ARHGAP6: variants seen among roughly 807,000 people sequenced by gnomAD.
ARHGAP6 encodes Rho GTPase activating protein 6, also known as rho GTPase-activating protein 6.
Under a neutral mutation model 55.7 loss-of-function variants are expected in ARHGAP6, and 16 were observed. The observed-to-expected ratio is 0.29, with a 90% confidence interval of 0.19 to 0.44. The LOEUF is 0.44. Among genes scored for constraint, ARHGAP6 ranks in the 20% least tolerant of loss-of-function variants. The probability of loss-of-function intolerance (pLI) is 1.00; values close to 1 mark genes in which losing one functional copy is unlikely to be tolerated. For missense variants in ARHGAP6, 698 were observed against 808.9 expected (o/e 0.86, Z 1.66); for synonymous variants, 382 against 360.9 (o/e 1.06, Z -0.66).
At chrX:11,348,814 T>C (rs1294041845) in intron 1 of ARHGAP6, among the ~76,000 whole-genome samples, 4 of 110,195 alleles carry the variant, frequency 3.6e-5, no homozygotes, top group Admixed American at 2.9e-4. Context: ...ACCTACTAAT[T>C]AAAAAAAGTT....
intron 2 of ARHGAP6, among the ~76,000 whole-genome samples, chrX:11,231,413 G>C (rs189452471): frequency 3.1e-4 from 35 of 112,236 alleles, no homozygotes; most frequent in Admixed American, 2.6e-3. Context: ...CATATGCAAA[G>C]ACAGTGCCCA....
intron 1 of ARHGAP6, among the ~76,000 whole-genome samples, chrX:11,529,728 A>C (rs1439966097): frequency 1.8e-5 from 2 of 111,963 alleles, no homozygotes; most frequent in Non-Finnish European, 3.8e-5. Context: ...AATAACTCTG[A>C]TAAGTCAAAG....
intron 1 of ARHGAP6, among the ~76,000 whole-genome samples, chrX:11,531,380 T>C (rs899655304): frequency 9.0e-6 from 1 of 111,556 alleles, no homozygotes; most frequent in Admixed American, 9.6e-5. Context: ...AAATGGTAGA[T>C]GCAAATGTAA....
chrX:11,152,408 C>T (rs980985463), intron 10 of ARHGAP6, among the ~76,000 whole-genome samples: 9 of 111,935 alleles, frequency 8.0e-5, no homozygotes, highest in African/African-American at 2.9e-4. Context: ...TTTAGCCTTA[C>T]AGTAATCTAT....
intron 1 of ARHGAP6, among the ~76,000 whole-genome samples, chrX:11,457,981 GAA>G (rs1319933684): frequency 9.0e-6 from 1 of 111,645 alleles, no homozygotes; most frequent in Non-Finnish European, 1.9e-5. Flanking sequence ...TCTAGTTCTG[GAA>G]AATCCATACC....
chrX:11,478,220 C>T (rs2050423188), intron 1 of ARHGAP6, among the ~76,000 whole-genome samples: 2 of 111,458 alleles, frequency 1.8e-5, no homozygotes, highest in African/African-American at 6.5e-5. Flanking sequence ...GTATGTATGT[C>T]CACAAAAAGG....
intron 9 of ARHGAP6, among the ~76,000 whole-genome samples, chrX:11,163,438 T>C (rs912647233): frequency 2.7e-5 from 3 of 111,875 alleles, no homozygotes; most frequent in South Asian, 3.8e-4. Flanking sequence ...TAAGGGCTTT[T>C]TGAAGAGCTA....
At chrX:11,454,868 G>T (rs905191785) in intron 1 of ARHGAP6, among the ~76,000 whole-genome samples, 6 of 112,383 alleles carry the variant, frequency 5.3e-5, no homozygotes, top group African/African-American at 1.9e-4. Flanking sequence ...CCTCAATCCA[G>T]TTTGGTTTCA....
intron 1 of ARHGAP6, among the ~76,000 whole-genome samples, chrX:11,287,247 A>ATTATGTTCTG (rs1439531524): frequency 8.9e-6 from 1 of 111,919 alleles, no homozygotes; most frequent in African/African-American, 3.3e-5. Flanking sequence ...CAGGAAAAAC[A>ATTATGTTCTG]TTATGTTCTG....
chrX:11,502,680 T>A (rs1285683159), intron 1 of ARHGAP6, among the ~76,000 whole-genome samples: 1 of 111,757 alleles, frequency 8.9e-6, no homozygotes, highest in Non-Finnish European at 1.9e-5. Flanking sequence ...TGCTTCTACT[T>A]AATGAATACT....
intron 1 of ARHGAP6, among the ~76,000 whole-genome samples, chrX:11,560,338 C>T (rs912114563): frequency 1.8e-5 from 2 of 111,988 alleles, no homozygotes; most frequent in Non-Finnish European, 3.8e-5. Context: ...TTGAATTTGG[C>T]CTGCAGGCCT....
chrX:11,220,825 GAC>G (rs1156563123), intron 2 of ARHGAP6, among the ~76,000 whole-genome samples: 1 of 108,813 alleles, frequency 9.2e-6, no homozygotes, highest in African/African-American at 3.3e-5. Context: ...CCAATTAAAA[GAC>G]ACAGACTGGC....
intron 11 of ARHGAP6, 53 bp from the exon 12 acceptor site, chrX:11,142,366 C>G: frequency 1.1e-6 from 1 of 877,111 alleles, no homozygotes; most frequent in East Asian, 3.3e-5. Context: ...AATTAAAAAT[C>G]AATGAACATT....
chrX:11,170,043 T>C (rs1352154437), intron 8 of ARHGAP6, among the ~76,000 whole-genome samples: 3 of 111,746 alleles, frequency 2.7e-5, no homozygotes, highest in African/African-American at 9.8e-5. Context: ...CATCAACCCA[T>C]AATCTCACCA....
chrX:11,532,931 G>A (rs943338683), intron 1 of ARHGAP6, among the ~76,000 whole-genome samples: 1 of 111,752 alleles, frequency 8.9e-6, no homozygotes, highest in Admixed American at 9.5e-5. Flanking sequence ...TACAAGGAAG[G>A]CTGTCCACCA....
At chrX:11,165,229 C>G (rs1467973963) in intron 9 of ARHGAP6, among the ~76,000 whole-genome samples, 3 of 111,493 alleles carry the variant, frequency 2.7e-5, no homozygotes, top group Non-Finnish European at 5.7e-5. Flanking sequence ...CATATACTTT[C>G]TAGGTGGTAT....
chrX:11,311,757 T>C lies in ARHGAP6; in HGVS notation c.589-57050A>G, dbSNP rs112946824. 3.9e-4 allele frequency among the ~76,000 whole-genome samples: 44 copies of C among 111,909 alleles called. 1 individual carries two copies. Among genetic ancestry groups the C allele is most frequent in the African/African-American group, 1.2e-3 (37 of 30,839 alleles). ...TGTTCATTTTGTACTGAAATGTCCATACAGGCTGATTCTGAAACACACTCG... is the reference window on the plus strand; with the variant it reads ...TGTTCATTTTGTACTGAAATGTCCACACAGGCTGATTCTGAAACACACTCG... On this transcript the variant is annotated intron_variant, in intron 1 of 12. Transcript: ENST00000337414.
intron 1 of ARHGAP6, among the ~76,000 whole-genome samples, chrX:11,534,908 A>G (rs1426644354): frequency 1.8e-5 from 2 of 111,362 alleles, no homozygotes; most frequent in Non-Finnish European, 3.8e-5. Flanking sequence ...TCAGCACCTT[A>G]CAAGTGCCCA....
chrX:11,278,477 C>T (rs1275760009), intron 1 of ARHGAP6, among the ~76,000 whole-genome samples: 1 of 111,706 alleles, frequency 9.0e-6, no homozygotes, highest in Non-Finnish European at 1.9e-5. Context: ...AGAAGAAATG[C>T]AGCTCTGTCA....
Sources: allele counts gnomAD v4.1 joint callset (sites outside exome capture counted in the v4.1 genomes callset), GRCh38; gene constraint gnomAD v4.1.1; transcripts MANE v1.5; gene names NCBI Gene and HGNC (gene_info 2026-07-23, HGNC 2026-07-21).